Variants in ADGRB3 observed in about 807,000 individuals in gnomAD.
The protein encoded by ADGRB3 is adhesion G protein-coupled receptor B3.
ADGRB3 carries 37 observed loss-of-function variants against 193.4 expected under a neutral mutation model. The ratio of observed to expected loss-of-function variants is 0.19; its 90% confidence interval spans 0.15 to 0.25. ADGRB3 has a LOEUF of 0.25. ADGRB3 is among the 10% of genes least tolerant of loss of function. The probability of loss-of-function intolerance (pLI) is 1.00; values close to 1 mark genes in which losing one functional copy is unlikely to be tolerated. For missense variants in ADGRB3, 1,637 were observed against 1,852.9 expected (o/e 0.88, Z 2.14); for synonymous variants, 690 against 644.2 (o/e 1.07, Z -1.08).
intron 3 of ADGRB3, among the ~76,000 whole-genome samples, chr6:68,803,590 C>T (rs1415569601): frequency 1.3e-5 from 2 of 152,272 alleles, no homozygotes; most frequent in Non-Finnish European, 2.9e-5. Flanking sequence ...GTTTCTCATA[C>T]CTTTGACTCT....
At chr6:69,301,084 G>C (rs1767940658) in intron 20 of ADGRB3, among the ~76,000 whole-genome samples, 1 of 151,600 alleles carries the variant, frequency 6.6e-6, no homozygotes, top group South Asian at 2.1e-4. Flanking sequence ...TTATTAGAGA[G>C]TTGCAACAAT....
At chr6:68,938,722 T>G (rs13204176) in intron 5 of ADGRB3, among the ~76,000 whole-genome samples, 50,991 of 151,980 alleles carry the variant, frequency 0.34, 9,561 homozygotes, top group Middle Eastern at 0.53. Flanking sequence ...AGATACTTAT[T>G]TTCATTTGGG....
At chr6:69,121,373 C>G (rs1057295999) in intron 17 of ADGRB3, among the ~76,000 whole-genome samples, 1 of 152,192 alleles carries the variant, frequency 6.6e-6, no homozygotes, top group African/African-American at 2.4e-5. Context: ...TTTCTTAGTA[C>G]AGAACAAAAT....
At chr6:68,672,536 G>A (rs186456423) in intron 3 of ADGRB3, among the ~76,000 whole-genome samples, 3 of 151,850 alleles carry the variant, frequency 2.0e-5, no homozygotes, top group Admixed American at 2.0e-4. Context: ...AATGGATAAG[G>A]CCCTTTTATA....
Position 68,865,131 on chromosome 6 carries a change from C to T in ADGRB3, c.758-65428C>T, listed in dbSNP as rs565028934. On this transcript the variant is annotated intron_variant, in intron 3 of 31. Coordinates refer to ENST00000370598, the MANE Select transcript of ADGRB3 (RefSeq NM_001704.3). ...ATTCAAAAATATAATAAAATAAATACCAACAGAAACCTGAGTCTTGTTTCA... is the reference window on the plus strand; with the variant it reads ...ATTCAAAAATATAATAAAATAAATATCAACAGAAACCTGAGTCTTGTTTCA... Among the ~76,000 whole-genome samples, 4 of 152,122 alleles carry T rather than the reference C, an allele frequency of 2.6e-5. No homozygotes were observed. In the East Asian group the frequency reaches 7.7e-4, roughly 29 times the overall value.
chr6:68,973,516 TA>T (rs1170798788), intron 8 of ADGRB3, among the ~76,000 whole-genome samples: 1 of 152,230 alleles, frequency 6.6e-6, no homozygotes, highest in Non-Finnish European at 1.5e-5. Context: ...TATCATGGAT[TA>T]AATATTATAT....
At chr6:69,105,455 T>G (rs540504812) in intron 17 of ADGRB3, among the ~76,000 whole-genome samples, 1 of 152,304 alleles carries the variant, frequency 6.6e-6, no homozygotes, top group Admixed American at 6.5e-5. Context: ...CCCTATTTCC[T>G]GCCCTCTCCT....
At chr6:69,346,305 G>T (rs1038030239) in intron 26 of ADGRB3, among the ~76,000 whole-genome samples, 1 of 152,096 alleles carries the variant, frequency 6.6e-6, no homozygotes, top group Non-Finnish European at 1.5e-5. Context: ...AAAGAACAAA[G>T]CTGGAGGCAT....
At chr6:68,856,426 G>T (rs1478979353) in intron 3 of ADGRB3, among the ~76,000 whole-genome samples, 1 of 152,158 alleles carries the variant, frequency 6.6e-6, no homozygotes, top group Non-Finnish European at 1.5e-5. Context: ...ATAGTTATAT[G>T]AACAATAGGG....
At chr6:69,151,220 T>G (rs1307867372) in intron 17 of ADGRB3, among the ~76,000 whole-genome samples, 1 of 152,078 alleles carries the variant, frequency 6.6e-6, no homozygotes, top group East Asian at 1.9e-4. Flanking sequence ...GCCTTTCAAG[T>G]TTATTTAGAA....
chr6:68,864,294 G>A (rs1183588246), intron 3 of ADGRB3, among the ~76,000 whole-genome samples: 2 of 152,144 alleles, frequency 1.3e-5, no homozygotes, highest in East Asian at 1.9e-4. Flanking sequence ...TGATGTGTTA[G>A]CAACTGCTAG....
At chr6:69,249,973 A>C (rs1454041140) in intron 20 of ADGRB3, among the ~76,000 whole-genome samples, 1 of 152,222 alleles carries the variant, frequency 6.6e-6, no homozygotes, top group Non-Finnish European at 1.5e-5. Context: ...TGAATCAAAG[A>C]TTAAGACTTC....
intron 6 of ADGRB3, among the ~76,000 whole-genome samples, chr6:68,949,729 T>C (rs1372055054): frequency 2.0e-5 from 3 of 152,196 alleles, no homozygotes; most frequent in Non-Finnish European, 4.4e-5. Context: ...TAGCCTGTTG[T>C]ATGACAATTA....
chr6:68,917,233 G>T (rs947726178), intron 3 of ADGRB3, among the ~76,000 whole-genome samples: 1 of 152,314 alleles, frequency 6.6e-6, no homozygotes, highest in Non-Finnish European at 1.5e-5. Context: ...ATAAATCCAT[G>T]TAAGAATTAT....
chr6:69,069,414 A>G (rs1772006074), intron 16 of ADGRB3, among the ~76,000 whole-genome samples: 1 of 151,900 alleles, frequency 6.6e-6, no homozygotes, highest in Admixed American at 6.6e-5. Flanking sequence ...TGCTTCCCTT[A>G]GCAATTCCTG....
At chr6:69,068,015 GA>G (rs1417627523) in intron 16 of ADGRB3, among the ~76,000 whole-genome samples, 3 of 152,126 alleles carry the variant, frequency 2.0e-5, no homozygotes, top group African/African-American at 7.2e-5. Context: ...CACATCCACT[GA>G]AATATGGTGT....
rs1326416556 is a variant in ADGRB3 at position 69,109,938 on chromosome 6, CTTCT to C, written c.2480+33903_2480+33906del. ...AATGATGCACTGGTACTATGATTGC[CTTCT>C]TTAATTTTTTTTTTTTTTTTTTTGA... On this transcript the variant is annotated intron_variant, in intron 17 of 31. Transcript: ENST00000370598. Among the ~76,000 whole-genome samples the C allele has an allele frequency of 2.8e-5, 4 of 141,436 alleles. No homozygotes were observed. The East Asian group carries it at 9.1e-4, about 32-fold the overall frequency. The allele number at this position is 141,436 out of a possible 152,430, so 92.8% of individuals were successfully genotyped here.
chr6:68,762,673 A>C (rs937752636), intron 3 of ADGRB3, among the ~76,000 whole-genome samples: 5 of 152,156 alleles, frequency 3.3e-5, no homozygotes, highest in African/African-American at 7.2e-5. Flanking sequence ...CTTAAGGTCA[A>C]GTAGCAAGGT....
At chr6:68,743,995 T>C (rs1404107349) in intron 3 of ADGRB3, among the ~76,000 whole-genome samples, 1 of 152,010 alleles carries the variant, frequency 6.6e-6, no homozygotes, top group Non-Finnish European at 1.5e-5. Context: ...TGTATATATG[T>C]ATATATATTT....
Sources: allele counts gnomAD v4.1 joint callset (sites outside exome capture counted in the v4.1 genomes callset), GRCh38; gene constraint gnomAD v4.1.1; transcripts MANE v1.5; gene names NCBI Gene and HGNC (gene_info 2026-07-23, HGNC 2026-07-21).